Variants in DNAH9 observed in about 807,000 individuals in gnomAD.
The protein encoded by DNAH9 is DNAH9 variant protein.
DNAH9 carries 345 observed loss-of-function variants against 471.6 expected under a neutral mutation model. The observed-to-expected ratio is 0.73, with a 90% CI of 0.67 to 0.80. DNAH9 has a LOEUF of 0.80. Ranked by LOEUF, DNAH9 falls within the 30% of genes least tolerant of loss-of-function variation. DNAH9 has a pLI of 0.00. For missense variants in DNAH9, 5,407 were observed against 5,609.2 expected (o/e 0.96, Z 1.15); for synonymous variants, 2,093 against 2,123.6 (o/e 0.99, Z 0.40).
rs2075184365 is a variant in DNAH9, at chr17:11,727,922, G to A, written c.5814G>A (p.Gln1938=). ...AGGTCTTGTCAGTGGTGGCAGTGCAGGTAAGGGCCAGAAGTTGGTGGGAGC... is the reference window on the plus strand; with the variant it reads ...AGGTCTTGTCAGTGGTGGCAGTGCAAGTAAGGGCCAGAAGTTGGTGGGAGC... ...SVEVLSVVAV[Q]VKSIQDAIRD... is the part of the protein sequence containing the mutation. The change falls in exon 28 of 69, where the codon CAG becomes CAA. Residue 1938 remains glutamine, a splice_region_variant and synonymous_variant. Transcript: ENST00000262442. 7 of 1,607,564 alleles carry A rather than the reference G, an allele frequency of 4.4e-6. No individual in the cohort carries two copies. Among genetic ancestry groups the A allele is most frequent in the Non-Finnish European group, 5.1e-6 (6 of 1,174,068 alleles).
chr17:11,941,732 ATAGATAGT>A (rs2069370045), intron 66 of DNAH9, among the ~76,000 whole-genome samples: 1 of 147,714 alleles, frequency 6.8e-6, no homozygotes, highest in African/African-American at 2.5e-5. Context: ...AGATAGATAG[ATAGATAGT>A]GATAGATTAG....
chr17:11,755,704 A>T (rs1325971217), intron 33 of DNAH9, among the ~76,000 whole-genome samples: 2 of 152,110 alleles, frequency 1.3e-5, no homozygotes, highest in African/African-American at 2.4e-5. Context: ...ACACACACAC[A>T]CACACAGGGG....
At chr17:11,774,281 C>T (rs530634561) in intron 38 of DNAH9, among the ~76,000 whole-genome samples, 50 of 152,174 alleles carry the variant, frequency 3.3e-4, no homozygotes, top group African/African-American at 1.2e-3. Flanking sequence ...AATATGTAGC[C>T]ATAAAATACA....
intron 38 of DNAH9, among the ~76,000 whole-genome samples, chr17:11,777,280 CTA>C (rs1301812281): frequency 6.6e-6 from 1 of 152,196 alleles, no homozygotes; most frequent in Non-Finnish European, 1.5e-5. Context: ...TTTACAGTAA[CTA>C]TGTCATCCTA....
intron 53 of DNAH9, among the ~76,000 whole-genome samples, chr17:11,878,552 T>G (rs1207757119): frequency 6.6e-6 from 1 of 151,476 alleles, no homozygotes; most frequent in Admixed American, 6.6e-5. Context: ...TTTTTTTGTT[T>G]GTTTGTTTGT....
chr17:11,756,070 A>G (rs1967371142), intron 33 of DNAH9, among the ~76,000 whole-genome samples: 2 of 152,056 alleles, frequency 1.3e-5, no homozygotes, highest in African/African-American at 4.8e-5. Context: ...AGGTCAGGAG[A>G]TCAAGACCAT....
intron 57 of DNAH9, among the ~76,000 whole-genome samples, chr17:11,887,309 G>A (rs191299176): frequency 1.3e-5 from 2 of 152,244 alleles, no homozygotes; most frequent in Non-Finnish European, 2.9e-5. Context: ...TCCCCAAAGA[G>A]CTTAAAATAT....
intron 38 of DNAH9, among the ~76,000 whole-genome samples, chr17:11,770,963 A>G (rs1968182729): frequency 6.6e-6 from 1 of 152,240 alleles, no homozygotes; most frequent in South Asian, 2.1e-4. Flanking sequence ...GAAGAGATAC[A>G]CAGTAGCACA....
chr17:11,833,729 G>T (rs1970746814), intron 48 of DNAH9, among the ~76,000 whole-genome samples: 1 of 152,162 alleles, frequency 6.6e-6, no homozygotes, highest in Non-Finnish European at 1.5e-5. Flanking sequence ...TTCCTGGGCT[G>T]GTTATTGTAG....
chr17:11,860,024 G>A (rs1971785799), intron 50 of DNAH9, among the ~76,000 whole-genome samples: 2 of 152,202 alleles, frequency 1.3e-5, no homozygotes, highest in Admixed American at 1.3e-4. Flanking sequence ...CATTACTTTT[G>A]CTTTGTAATC....
In DNAH9 at chr17:11,632,599, G is replaced by T. The variant is rs780008412; in HGVS notation, c.1531G>T (p.Asp511Tyr). Reference sequence around the variant, plus strand: ...GGTGTCTCTTCAGGACTTTGAAAATGACGTCTCTGAATTTAACCAGAAAGT... The same window carrying T: ...GGTGTCTCTTCAGGACTTTGAAAATTACGTCTCTGAATTTAACCAGAAAGT... ...LYLQSTDFEN[D>Y]VSEFNQKVED... is the part of the protein sequence containing the mutation. Residue 511 changes from aspartate (D) to tyrosine (Y), a missense_variant, in exon 8 of 69, where the codon GAC becomes TAC. This residue lies in a region of DNAH9 where 767 missense variants were observed against 692.5 expected (regional missense o/e 1.11). Coordinates refer to ENST00000262442, the MANE Select transcript of DNAH9 (RefSeq NM_001372.4). 1 of 1,579,498 alleles carries T rather than the reference G, an allele frequency of 6.3e-7. No individual in the cohort carries two copies. The highest frequency in any genetic ancestry group is 8.7e-7 in the Non-Finnish European group (1 of 1,148,572).
intron 65 of DNAH9, among the ~76,000 whole-genome samples, chr17:11,934,731 C>T (rs1014252580): frequency 2.0e-5 from 3 of 151,808 alleles, no homozygotes; most frequent in Non-Finnish European, 4.4e-5. Flanking sequence ...GGATTACAGG[C>T]GTGAGCCGCC....
intron 37 of DNAH9, 55 bp downstream of exon 37, chr17:11,768,681 AGT>A: frequency 6.3e-7 from 1 of 1,581,924 alleles, no homozygotes; most frequent in South Asian, 1.1e-5. Context: ...AAGGATCTGC[AGT>A]GGCTCCAGTA....
In DNAH9 at chr17:11,742,286, G is replaced by A; in HGVS notation, c.6084G>A (p.Gln2028=). 6.2e-7 allele frequency: 1 copy of A among 1,614,066 alleles called. No homozygotes were observed. Among genetic ancestry groups the A allele is most frequent in the Non-Finnish European group, 8.5e-7 (1 of 1,179,952 alleles). ...SLARKFITLY[Q]LCKELLSKQD... is the part of the protein sequence containing the mutation. ...CCAGAAAGTTCATCACTCTTTACCAGTTGTGCAAAGAGCTTCTCTCCAAAC... is the reference window on the plus strand; with the variant it reads ...CCAGAAAGTTCATCACTCTTTACCAATTGTGCAAAGAGCTTCTCTCCAAAC... The change falls in exon 30 of 69, where the codon CAG becomes CAA. Residue 2028 remains glutamine (Q), a synonymous_variant. Transcript: ENST00000262442.
At chr17:11,611,438 C>T (rs1320768538) in intron 3 of DNAH9, among the ~76,000 whole-genome samples, 3 of 152,234 alleles carry the variant, frequency 2.0e-5, no homozygotes, top group African/African-American at 4.8e-5. Flanking sequence ...GCAGTGTTTC[C>T]TGGAGCTGCC....
At chr17:11,621,983 G>A (rs1260457944) in intron 6 of DNAH9, among the ~76,000 whole-genome samples, 3 of 152,084 alleles carry the variant, frequency 2.0e-5, no homozygotes, top group Non-Finnish European at 4.4e-5. Context: ...CTACTCAGGA[G>A]GCTGAGGCAG....
At chr17:11,907,855 A>G (rs1973660749) in intron 61 of DNAH9, among the ~76,000 whole-genome samples, 1 of 152,090 alleles carries the variant, frequency 6.6e-6, no homozygotes. Context: ...GCTTTTGTCC[A>G]TTTCTGAATT....
intron 68 of DNAH9, among the ~76,000 whole-genome samples, chr17:11,967,609 GCAATA>G (rs1449194800): frequency 1.3e-5 from 2 of 152,138 alleles, no homozygotes; most frequent in Non-Finnish European, 2.9e-5. Context: ...AATGGATTAA[GCAATA>G]CAATTTTAAA....
chr17:11,746,609 C>A (rs1227913297), intron 31 of DNAH9, among the ~76,000 whole-genome samples: 1 of 152,086 alleles, frequency 6.6e-6, no homozygotes, highest in Non-Finnish European at 1.5e-5. Flanking sequence ...CCCACCAGAT[C>A]CCTCCCTCGA....
Sources: allele counts gnomAD v4.1 joint callset (sites outside exome capture counted in the v4.1 genomes callset), GRCh38; gene constraint gnomAD v4.1.1; regional missense constraint gnomAD v4.1.1; transcripts MANE v1.5; gene names NCBI Gene and HGNC (gene_info 2026-07-23, HGNC 2026-07-21).